Variants in PDGFRB observed in about 807,000 individuals in gnomAD.
PDGFRB encodes the protein platelet derived growth factor receptor beta.
A neutral mutation model predicts 120.2 loss-of-function variants in PDGFRB; 42 were observed. The ratio of observed to expected loss-of-function variants is 0.35; its 90% confidence interval spans 0.27 to 0.45. The LOEUF (loss-of-function observed/expected upper bound fraction) is 0.45. Ranked by LOEUF, PDGFRB falls within the 20% of genes least tolerant of loss-of-function variation. The pLI is 1.00. For missense variants in PDGFRB, 1,149 were observed against 1,476.3 expected, an observed-to-expected ratio of 0.78 and a Z score of 3.63; for synonymous variants, 586 against 606.8, an observed-to-expected ratio of 0.97 and a Z score of 0.50.
Position 150,117,760 on chromosome 5 carries a change from G to A in PDGFRB, c.2995C>T (p.Arg999Ter), listed in dbSNP as rs1561984776. The A allele has an allele frequency of 5.0e-6, 8 of 1,613,500 alleles. No individual in the cohort carries two copies. Among genetic ancestry groups the A allele is most frequent in the African/African-American group, 1.3e-5 (1 of 74,864 alleles). The change falls in exon 22 of 23, where the codon CGA (arginine) becomes TGA (stop). Residue 999 changes from arginine (R) to a stop codon, truncating the protein, a stop_gained. Transcript: ENST00000261799. LOFTEE classifies it high-confidence loss of function. ...ACGGAGCTGGTGTCCAGGGGAGATC[G>A]GAGGCCATGGAACCCAGGCAAGCGG... ...QARLPGFHGL[R>*]SPLDTSSVLY...
At position 150,115,691 on chromosome 5, in the gene PDGFRB, C is replaced by A; in HGVS notation, c.*72G>T. The A allele has an allele frequency of 1.4e-6, 2 of 1,420,042 alleles. No individual in the cohort carries two copies. Among genetic ancestry groups the A allele is most frequent in the South Asian group, 2.9e-5 (2 of 68,802 alleles). 88.0% of individuals were successfully genotyped at this position (1,420,042 alleles called of 1,614,324 possible). The stretch of plus-strand genomic sequence containing the variant: ...CAGCCTGGCTGACAGGAAGCCCGGT[C>A]AGGCCAGGCCAGGAGATGCTGGGTG... On this transcript the variant is annotated 3_prime_UTR_variant, in exon 23 of 23. Coordinates refer to ENST00000261799, the MANE Select transcript of PDGFRB (RefSeq NM_002609.4).
Position 150,120,974 on chromosome 5 carries a change from T to C in PDGFRB, c.2500A>G (p.Ile834Val). ...ATCTTGACCAGCTTGCCTTCACAGA[T>C]GAGCACGTTCCTAGCCGCCAGGTCT... ...HRDLAARNVLICEGKLVKICD... is the reference protein window; with the variant it reads ...HRDLAARNVLVCEGKLVKICD... The change falls in exon 18 of 23, where the codon ATC becomes GTC. Residue 834 changes from isoleucine to valine, a missense_variant. Physicochemically the swap from Ile to Val is conservative, Grantham distance 29. This residue lies in a region of PDGFRB where 68 missense variants were observed against 153.3 expected (regional missense o/e 0.44). Transcript: ENST00000261799. This position sits in a 1 kb window ranked among gnomAD's most constrained non-coding sequence, Gnocchi z 4.3. 6.2e-7 allele frequency: 1 copy of C among 1,613,730 alleles called. No individual in the cohort carries two copies. Among genetic ancestry groups the C allele is most frequent in the Non-Finnish European group, 8.5e-7 (1 of 1,179,836 alleles).
At chr5:150,124,588 G>A (rs1179305929) in intron 13 of PDGFRB, 139 bp downstream of exon 13, 22 of 622,758 alleles carry the variant, frequency 3.5e-5, no homozygotes. Flanking sequence ...CCCAGACTCG[G>A]GAGCAGTGCC....
At chr5:150,142,455 T>C (rs113413028) in intron 1 of PDGFRB, among the ~76,000 whole-genome samples, 7 of 152,336 alleles carry the variant, frequency 4.6e-5, no homozygotes, top group African/African-American at 1.7e-4. Context: ...GGTAATTTGC[T>C]AAGTTGTTGG....
rs181113578 is a variant in PDGFRB, at chr5:150,115,727, G to C, written c.*36C>G. The C allele has an allele frequency of 2.6e-6, 4 of 1,528,070 alleles. No individual in the cohort carries two copies. The Admixed American group carries it at 8.2e-5, about 31-fold the overall frequency. The allele number at this position is 1,528,070 out of a possible 1,614,324, so 94.7% of individuals were successfully genotyped here. A position where few individuals can be genotyped will look rare whatever the true frequency, so the allele number is the denominator to read the frequency against. On this transcript the variant is annotated 3_prime_UTR_variant, in exon 23 of 23. Coordinates refer to ENST00000261799, the MANE Select transcript of PDGFRB (RefSeq NM_002609.4). Reference sequence around the variant, plus strand: ...AGGAGATGCTGGGTGCTGGCAGGGGGGGAGCTTCAGGCAGGGCAGGGTAGG... The same window carrying C: ...AGGAGATGCTGGGTGCTGGCAGGGGCGGAGCTTCAGGCAGGGCAGGGTAGG...
At chr5:150,139,766 G>A (rs1038150845) in intron 1 of PDGFRB, among the ~76,000 whole-genome samples, 2 of 152,074 alleles carry the variant, frequency 1.3e-5, no homozygotes, top group Non-Finnish European at 2.9e-5. Context: ...CGGATCACGA[G>A]GTTGAGAGAT....
chr5:150,152,353 T>C (rs549384730), intron 1 of PDGFRB, among the ~76,000 whole-genome samples: 23 of 152,294 alleles, frequency 1.5e-4, no homozygotes, highest in African/African-American at 5.3e-4. Flanking sequence ...AAGAACGAGT[T>C]GGTTCCTGTT....
At chr5:150,149,970 C>T (rs1348654741) in intron 1 of PDGFRB, among the ~76,000 whole-genome samples, 2 of 152,158 alleles carry the variant, frequency 1.3e-5, no homozygotes, top group African/African-American at 2.4e-5. Context: ...CCTCTGGGGG[C>T]CACTAAACTT....
chr5:150,143,534 C>A (rs1363003321), intron 1 of PDGFRB, among the ~76,000 whole-genome samples: 1 of 152,122 alleles, frequency 6.6e-6, no homozygotes, highest in Non-Finnish European at 1.5e-5. Context: ...TCTGTGGGGG[C>A]AAGAGGCATC....
rs1760501501 is a variant in PDGFRB at position 150,132,723 on chromosome 5, A to G, written c.1127+27T>C. On this transcript the variant is annotated intron_variant, in intron 7 of 22. Transcript: ENST00000261799. This position sits in a 1 kb window ranked among gnomAD's most constrained non-coding sequence, Gnocchi z 5.0. ...GGCTGCAAAGAAAAATAACTTCAAG[A>G]ATGGGATGGGAGAGCGAGCTGCTCA... 6.3e-7 allele frequency: 1 copy of G among 1,596,996 alleles called. No homozygotes were observed. The highest frequency in any genetic ancestry group is 1.1e-5 in the South Asian group (1 of 89,636).
rs202213873 is a variant in PDGFRB at position 150,135,743 on chromosome 5, G to A, written c.176C>T (p.Pro59Leu). 5.3e-5 allele frequency: 86 copies of A among 1,614,110 alleles called. 1 individual carries two copies. The highest frequency in any genetic ancestry group is 3.3e-4 in the Middle Eastern group (2 of 6,062). ...CTGGGACATCCGTTCCCACACCACC[G>A]GAGCTGAACCCGAGCAGGTCAGAAC... ...TFVLTCSGSA[P>L]VVWERMSQEP... The change falls in exon 3 of 23, where the codon CCG (proline) becomes CTG (leucine). Residue 59 changes from proline to leucine, a missense_variant. By Grantham distance (98) the Pro-to-Leu change is moderately conservative. Coordinates refer to ENST00000261799, the MANE Select transcript of PDGFRB (RefSeq NM_002609.4).
intron 22 of PDGFRB, 116 bp from the exon 23 acceptor site, chr5:150,116,062 G>T: frequency 1.2e-6 from 1 of 840,030 alleles, no homozygotes. Context: ...ACACACTCCG[G>T]CTCATTTAAC....
chr5:150,137,924 G>C (rs1013554191), intron 1 of PDGFRB, among the ~76,000 whole-genome samples: 3 of 152,210 alleles, frequency 2.0e-5, no homozygotes, highest in Non-Finnish European at 2.9e-5. Flanking sequence ...GGTGCCCAGA[G>C]AGACAGCACC....
chr5:150,135,166 A>G (rs1025632935), intron 3 of PDGFRB, 150 bp from the exon 4 acceptor site: 6 of 599,656 alleles, frequency 1.0e-5, no homozygotes, highest in Non-Finnish European at 1.8e-5. Context: ...ATCAAATGTT[A>G]GAGCTGGTCC....
chr5:150,153,323 G>C (rs1300946247), intron 1 of PDGFRB: 1 of 152,330 alleles, frequency 6.6e-6, no homozygotes, highest in Non-Finnish European at 1.5e-5. Flanking sequence ...GGCAGACCTT[G>C]GAGCAGTCAG....
intron 1 of PDGFRB, among the ~76,000 whole-genome samples, chr5:150,154,829 G>A (rs1034489168): frequency 2.0e-5 from 3 of 152,286 alleles, no homozygotes; most frequent in Admixed American, 6.5e-5. Flanking sequence ...CATCACCCTC[G>A]AACTTTCCTA....
rs768633644 is a variant in PDGFRB, at chr5:150,132,738, C to T, written c.1127+12G>A. On this transcript the variant is annotated intron_variant, in intron 7 of 22. Transcript: ENST00000261799. The surrounding 1 kb of genome is among the most constrained non-coding windows in gnomAD (Gnocchi z 5.0). ...TAACTTCAAGAATGGGATGGGAGAG[C>T]GAGCTGCTCACCGGGTCTCCGACAC... 4.0e-5 allele frequency: 65 copies of T among 1,606,888 alleles called. No individual in the cohort carries two copies. The highest frequency in any genetic ancestry group is 1.7e-4 in the Middle Eastern group (1 of 6,058).
rs142704659 is a variant in PDGFRB, at chr5:150,120,509, A to G, written c.2586+379T>C. Among the ~76,000 whole-genome samples the G allele has an allele frequency of 1.3e-5, 2 of 152,312 alleles. No homozygotes were observed. Among genetic ancestry groups the G allele is most frequent in the East Asian group, 3.9e-4 (2 of 5,188 alleles). ...AAAAGTGGGGAGATGAGAGACAGGC[A>G]GGATGATCACGTTTTAACCAGACCA... On this transcript the variant is annotated intron_variant, in intron 18 of 22. Coordinates refer to ENST00000261799, the MANE Select transcript of PDGFRB (RefSeq NM_002609.4). The surrounding 1 kb of genome is among the most constrained non-coding windows in gnomAD (Gnocchi z 4.3).
At chr5:150,129,719 A>T in intron 10 of PDGFRB, 38 bp downstream of exon 10, 2 of 1,543,054 alleles carry the variant, frequency 1.3e-6, no homozygotes, top group Non-Finnish European at 1.8e-6. Context: ...TAAGGTAGGG[A>T]TTGGGATCGT....
Sources: allele counts gnomAD v4.1 joint callset (sites outside exome capture counted in the v4.1 genomes callset), GRCh38; gene constraint gnomAD v4.1.1; regional missense constraint gnomAD v4.1.1; non-coding constraint Gnocchi (gnomAD v3.1); transcripts MANE v1.5; gene names NCBI Gene and HGNC (gene_info 2026-07-23, HGNC 2026-07-21).